SPG7: variants seen among roughly 807,000 people sequenced by gnomAD.
The protein encoded by SPG7 is mitochondrial inner membrane m-AAA protease component paraplegin.
Under a neutral mutation model 81.9 loss-of-function variants are expected in SPG7, and 103 were observed. That is an observed-to-expected ratio of 1.26 (90% CI 1.07 to 1.48). SPG7 has a LOEUF of 1.48. Ranked by LOEUF, SPG7 falls within the 40% of genes most tolerant of loss-of-function variation. The pLI is 0.00. For synonymous variants in SPG7, 534 were observed against 444.2 expected (o/e 1.20, Z -2.54); for missense variants, 1,241 against 1,087.3 (o/e 1.14, Z -1.99).
At chr16:89,544,426 G>C in intron 9 of SPG7, 1 of 548,886 alleles carries the variant, frequency 1.8e-6, no homozygotes, top group Admixed American at 2.5e-5. Flanking sequence ...CAGTTCTGCT[G>C]TTTGCACTTG....
chr16:89,511,557 A>G (rs1292000049), intron 2 of SPG7, among the ~76,000 whole-genome samples: 2 of 152,252 alleles, frequency 1.3e-5, no homozygotes, highest in Non-Finnish European at 2.9e-5. Context: ...GTCAGTGTTT[A>G]ACGTCAGCTC....
chr16:89,513,451 G>T (rs1474576748), intron 3 of SPG7, among the ~76,000 whole-genome samples: 1 of 152,074 alleles, frequency 6.6e-6, no homozygotes, highest in Non-Finnish European at 1.5e-5. Context: ...GGGAGGTGGA[G>T]GTTGCTGTGA....
At chr16:89,513,254 G>C (rs1010115042) in intron 3 of SPG7, among the ~76,000 whole-genome samples, 11 of 152,176 alleles carry the variant, frequency 7.2e-5, no homozygotes, top group South Asian at 2.1e-4. Flanking sequence ...AAATTAAAAG[G>C]CTGGGCGTGG....
chr16:89,527,648 G>A (rs1030068154), intron 5 of SPG7, among the ~76,000 whole-genome samples: 4 of 152,186 alleles, frequency 2.6e-5, no homozygotes, highest in African/African-American at 9.7e-5. Context: ...AAACAGACCA[G>A]GTGGGAGCTG....
intron 9 of SPG7, among the ~76,000 whole-genome samples, chr16:89,535,351 C>T (rs1371994116): frequency 2.6e-5 from 4 of 152,100 alleles, no homozygotes; most frequent in Admixed American, 6.5e-5. Context: ...AGACTGATGC[C>T]CACAGAAGTG....
intron 9 of SPG7, among the ~76,000 whole-genome samples, chr16:89,534,524 T>A (rs1161730497): frequency 6.6e-6 from 1 of 152,248 alleles, no homozygotes; most frequent in Non-Finnish European, 1.5e-5. Context: ...GTATTGTAGA[T>A]GAGGGAGACT....
In SPG7 at chr16:89,530,737, GTCAGCT is replaced by G. The variant is rs1567912649; in HGVS notation, c.920_925del (p.Ser307_Phe308del). The G allele has an allele frequency of 2.5e-6, 4 of 1,614,216 alleles. No homozygotes were observed. Among genetic ancestry groups the G allele is most frequent in the Non-Finnish European group, 3.4e-6 (4 of 1,180,038 alleles). Reference sequence around the variant, plus strand: ...TGTGGATGGGAAGATGGGGAAAGGAGTCAGCTTCAAAGACGTGGCAGGAATGCACGA... The same window carrying G: ...TGTGGATGGGAAGATGGGGAAAGGAGTCAAAGACGTGGCAGGAATGCACGA... On this transcript the variant is annotated inframe_deletion, in exon 7 of 17. Coordinates refer to ENST00000645818, the MANE Select transcript of SPG7 (RefSeq NM_003119.4).
At chr16:89,511,892 G>GTGT (rs201292211) in intron 2 of SPG7, among the ~76,000 whole-genome samples, 21 of 145,384 alleles carry the variant, frequency 1.4e-4, no homozygotes, top group Admixed American at 2.8e-4. Flanking sequence ...CTACATTTTT[G>GTGT]TGTTGTTGTT....
chr16:89,552,196 C>T (rs1452179901), intron 13 of SPG7: 2 of 152,632 alleles, frequency 1.3e-5, no homozygotes, highest in Non-Finnish European at 2.9e-5. Context: ...ATAGCTGGGA[C>T]TACAGGCATG....
intron 9 of SPG7, among the ~76,000 whole-genome samples, chr16:89,536,328 G>T (rs1414577577): frequency 6.6e-6 from 1 of 152,116 alleles, no homozygotes; most frequent in South Asian, 2.1e-4. Context: ...CTCTGGTGCT[G>T]TGTGGCCTTC....
chr16:89,509,670 G>A (rs2057985680), intron 1 of SPG7, among the ~76,000 whole-genome samples: 1 of 152,182 alleles, frequency 6.6e-6, no homozygotes, highest in South Asian at 2.1e-4. Flanking sequence ...GTGACAGCAG[G>A]AGCCCCGTGT....
intron 12 of SPG7, 108 bp from the exon 13 acceptor site, chr16:89,550,386 T>C: frequency 1.3e-6 from 1 of 790,320 alleles, no homozygotes; most frequent in Non-Finnish European, 2.3e-6. Context: ...TTGGTCGGGC[T>C]GGTCTCGAAC....
At chr16:89,521,640 G>C (rs1380235596) in intron 3 of SPG7, 1 of 152,234 alleles carries the variant, frequency 6.6e-6, no homozygotes, top group Non-Finnish European at 1.5e-5. Flanking sequence ...CTACTCAGGA[G>C]GCTCAGTTGG....
At chr16:89,535,387 G>A (rs1024582102) in intron 9 of SPG7, among the ~76,000 whole-genome samples, 2 of 152,222 alleles carry the variant, frequency 1.3e-5, no homozygotes, top group African/African-American at 2.4e-5. Flanking sequence ...AAGCTCTGAG[G>A]TTAGAAGATG....
intron 6 of SPG7, chr16:89,530,427 A>G (rs2058325820): frequency 1.9e-6 from 1 of 526,166 alleles, no homozygotes; most frequent in Non-Finnish European, 3.5e-6. Flanking sequence ...TACAGGCGTG[A>G]GCCACCATGC....
chr16:89,510,532 A>G lies in SPG7; in HGVS notation c.226A>G (p.Asn76Asp), dbSNP rs1375990212. ...GCTAACCCCTACCTTTGAAGGGATCAACGGATTGTTGTTGAAACAACATTT... is the reference window on the plus strand; with the variant it reads ...GCTAACCCCTACCTTTGAAGGGATCGACGGATTGTTGTTGAAACAACATTT... ...RLLTPTFEGI[N>D]GLLLKQHLVQ... Residue 76 changes from asparagine to aspartate, a missense_variant, in exon 2 of 17, where the codon AAC becomes GAC. By Grantham distance (23) the Asn-to-Asp change is conservative (BLOSUM62 1). Transcript: ENST00000645818. The G allele has an allele frequency of 1.2e-6, 2 of 1,612,678 alleles. No homozygotes were observed. Among genetic ancestry groups the G allele is most frequent in the Non-Finnish European group, 1.7e-6 (2 of 1,179,604 alleles).
Position 89,544,721 on chromosome 16 carries a change from G to A in SPG7, c.1398G>A (p.Met466Ile). 1 of 1,614,134 alleles carries A rather than the reference G, an allele frequency of 6.2e-7. No individual in the cohort carries two copies. Among genetic ancestry groups the A allele is most frequent in the South Asian group, 1.1e-5 (1 of 91,082 alleles). ...NRADILDGAL[M>I]RPGRLDRHVF... Reference sequence around the variant, plus strand: ...CTGACATTTTGGACGGTGCTCTGATGAGGCCAGGCCGACTGGACCGGCACG... The same window carrying A: ...CTGACATTTTGGACGGTGCTCTGATAAGGCCAGGCCGACTGGACCGGCACG... Residue 466 changes from methionine to isoleucine, a missense_variant, in exon 10 of 17, where the codon ATG becomes ATA. Coordinates refer to ENST00000645818, the MANE Select transcript of SPG7 (RefSeq NM_003119.4).
chr16:89,521,871 G>A (rs2058191737), intron 3 of SPG7: 1 of 152,180 alleles, frequency 6.6e-6, no homozygotes, highest in Non-Finnish European at 1.5e-5. Flanking sequence ...GTCCCTCCAG[G>A]GCAGCTAGAG....
chr16:89,517,412 C>G (rs2058114323), intron 3 of SPG7: 1 of 152,342 alleles, frequency 6.6e-6, no homozygotes, highest in African/African-American at 2.4e-5. Flanking sequence ...AAAGCCATGG[C>G]AGCTTCCTGG....
Sources: allele counts gnomAD v4.1 joint callset (sites outside exome capture counted in the v4.1 genomes callset), GRCh38; gene constraint gnomAD v4.1.1; transcripts MANE v1.5; gene names NCBI Gene and HGNC (gene_info 2026-07-23, HGNC 2026-07-21).